The following RFX2 variants were observed in gnomAD, a reference collection of about 807,000 sequenced individuals.
RFX2 encodes the protein DNA-binding protein RFX2.
RFX2 carries 20 observed loss-of-function variants against 87.8 expected under a neutral mutation model. That is an observed-to-expected ratio of 0.23 (90% confidence interval 0.16 to 0.33). RFX2 has a LOEUF of 0.33. RFX2 is among the 10% of genes least tolerant of loss of function. RFX2 has a pLI of 1.00. For synonymous variants in RFX2, 397 were observed against 431.3 expected (o/e 0.92, Z 0.98); for missense variants, 767 against 1,012.3 (o/e 0.76, Z 3.29).
intron 7 of RFX2, among the ~76,000 whole-genome samples, chr19:6,015,548 G>A (rs2144708497): frequency 6.6e-6 from 1 of 152,174 alleles, no homozygotes; most frequent in South Asian, 2.1e-4. Flanking sequence ...GAGTGCAGTG[G>A]TGCAATCGTG....
rs374641964 is a variant in RFX2, at chr19:6,010,114, C to G, written c.1015+22G>C. On this transcript the variant is annotated intron_variant, in intron 9 of 17. Transcript: ENST00000303657. This position sits in a 1 kb window ranked among gnomAD's most constrained non-coding sequence, Gnocchi z 5.0. ...GGCGAGCAGATGGGAGCCCCGCCCCCGGGCCTGACCGGGCCTCTCACCTAT... is the reference window on the plus strand; with the variant it reads ...GGCGAGCAGATGGGAGCCCCGCCCCGGGGCCTGACCGGGCCTCTCACCTAT... The G allele has an allele frequency of 1.4e-6, 2 of 1,475,284 alleles. No individual in the cohort carries two copies. Among genetic ancestry groups the G allele is most frequent in the South Asian group, 2.4e-5 (2 of 82,314 alleles). The allele number at this position is 1,475,284 out of a possible 1,614,324, so 91.4% of individuals were successfully genotyped here.
intron 9 of RFX2, 151 bp from the exon 10 acceptor site, chr19:6,008,375 CTTTT>C (rs112977122): frequency 1.3e-4 from 51 of 399,496 alleles, no homozygotes; most frequent in Admixed American, 2.5e-4. Context: ...TTTTCTTTTT[CTTTT>C]TTTTTTTTTT....
At chr19:6,025,897 T>C (rs1055879147) in intron 6 of RFX2, among the ~76,000 whole-genome samples, 1 of 151,186 alleles carries the variant, frequency 6.6e-6, no homozygotes, top group African/African-American at 2.4e-5. Context: ...GCGATTCTCC[T>C]GCCTCAGCCT....
intron 1 of RFX2, among the ~76,000 whole-genome samples, chr19:6,090,169 T>C (rs1187283287): frequency 6.6e-6 from 1 of 152,074 alleles, no homozygotes; most frequent in African/African-American, 2.4e-5. Context: ...GGTTTCACCA[T>C]GTTGCCCAGG....
At chr19:6,103,117 A>G (rs751231265) in intron 1 of RFX2, among the ~76,000 whole-genome samples, 1 of 152,156 alleles carries the variant, frequency 6.6e-6, no homozygotes, top group Non-Finnish European at 1.5e-5. Flanking sequence ...ACAAATAATC[A>G]CTATATTGGA....
rs1028068539 is a variant in RFX2, at chr19:6,083,641, T to C, written c.-9+26752A>G. 9.3e-5 allele frequency among the ~76,000 whole-genome samples: 14 copies of C among 151,052 alleles called. No individual in the cohort carries two copies. The highest frequency in any genetic ancestry group is 3.4e-4 in the African/African-American group (14 of 41,078). On this transcript the variant is annotated intron_variant, in intron 1 of 17. Coordinates refer to ENST00000303657, the MANE Select transcript of RFX2 (RefSeq NM_000635.4). This position sits in a 1 kb window ranked among gnomAD's most constrained non-coding sequence, Gnocchi z 4.6. ...AGGCTGGAGTGCAGTGGTGCAAACA[T>C]GGCTCACTGCAGCCTCCACTTCCAG...
chr19:6,009,276 T>G (rs558733011), intron 9 of RFX2, among the ~76,000 whole-genome samples: 2 of 152,270 alleles, frequency 1.3e-5, no homozygotes, highest in South Asian at 4.1e-4. Context: ...TGGAAGCCAC[T>G]GAGTGTGTAC....
chr19:6,018,124 C>T (rs980688159), intron 6 of RFX2, among the ~76,000 whole-genome samples: 2 of 152,094 alleles, frequency 1.3e-5, no homozygotes, highest in Admixed American at 1.3e-4. Flanking sequence ...TATAGGCATG[C>T]ACCACCACAT....
In RFX2 at chr19:6,040,147, C is replaced by A; in HGVS notation, c.355G>T (p.Val119Leu). 6 of 1,607,548 alleles carry A rather than the reference C, an allele frequency of 3.7e-6. No individual in the cohort carries two copies. The highest frequency in any genetic ancestry group is 5.1e-6 in the Non-Finnish European group (6 of 1,175,872). ...FEAPGGAQVT[V>L]AASSPPAVPS... ...ACCGCTGGCGGGGACGAGGCTGCCA[C>A]GGTCACCTGGGCACCGCCTGGGGCC... Residue 119 changes from valine to leucine, a missense_variant, in exon 5 of 18, where the codon GTG (valine) becomes TTG (leucine). Physicochemically the swap from Val to Leu is conservative, Grantham distance 32 (BLOSUM62 1). Transcript: ENST00000303657. The surrounding 1 kb of genome is among the most constrained non-coding windows in gnomAD (Gnocchi z 6.1).
At chr19:6,030,947 T>G (rs976278388) in intron 5 of RFX2, among the ~76,000 whole-genome samples, 23 of 152,124 alleles carry the variant, frequency 1.5e-4, no homozygotes, top group Non-Finnish European at 2.9e-4. Context: ...TGTCAAGAAA[T>G]CACATTCATT....
At chr19:6,099,736 C>T (rs896649849) in intron 1 of RFX2, among the ~76,000 whole-genome samples, 1 of 152,170 alleles carries the variant, frequency 6.6e-6, no homozygotes, top group Non-Finnish European at 1.5e-5. Flanking sequence ...TACCACCTGT[C>T]GAAGTGGCCT....
At position 5,997,047 on chromosome 19, in the gene RFX2, G is replaced by C. The variant is rs776124264; in HGVS notation, c.2013+13C>G. On this transcript the variant is annotated intron_variant, in intron 16 of 17. Coordinates refer to ENST00000303657, the MANE Select transcript of RFX2 (RefSeq NM_000635.4). This position sits in a 1 kb window ranked among gnomAD's most constrained non-coding sequence, Gnocchi z 4.2. ...GGCCAAGCCCCGGCCGTCCCACCCA[G>C]GAGGGTCCTCACCTCTCCCATCACA... is the stretch of plus-strand genomic sequence containing the variant. 3.1e-6 allele frequency: 5 copies of C among 1,605,176 alleles called. No individual in the cohort carries two copies. The Admixed American group carries it at 6.7e-5, about 21-fold the overall frequency.
chr19:6,031,337 G>C (rs576153484), intron 5 of RFX2, among the ~76,000 whole-genome samples: 1 of 147,580 alleles, frequency 6.8e-6, no homozygotes, highest in East Asian at 2.1e-4. Flanking sequence ...CTCAAGAGTT[G>C]AAATTTAATA....
rs539452378 is a variant in RFX2, at chr19:6,045,667, T to G, written c.91-1385A>C. ...GTTTTTGCGGAATTGTGTTTTTTTG[T>G]TTTTGTTTTTTTGTGTTTTTTGGGA... is the stretch of plus-strand genomic sequence containing the variant. On this transcript the variant is annotated intron_variant, in intron 2 of 17. Coordinates refer to ENST00000303657, the MANE Select transcript of RFX2 (RefSeq NM_000635.4). This position sits in a 1 kb window ranked among gnomAD's most constrained non-coding sequence, Gnocchi z 5.2. Among the ~76,000 whole-genome samples, 14 of 150,122 alleles carry G rather than the reference T, an allele frequency of 9.3e-5. No homozygotes were observed. Among genetic ancestry groups the G allele is most frequent in the African/African-American group, 3.5e-4 (14 of 39,606 alleles).
rs117618756 is a variant in RFX2, at chr19:6,040,373, C to T, written c.261-132G>A. The T allele has an allele frequency of 3.5e-5, 32 of 912,930 alleles. No individual in the cohort carries two copies. The highest frequency in any genetic ancestry group is 3.6e-4 in the Middle Eastern group (1 of 2,740). The allele number at this position is 912,930 out of a possible 1,614,324, so 56.6% of individuals were successfully genotyped here. ...GGCCAGACATATGGAGCAATTCGGA[C>T]GTGGCATATGACACTCAAATGCAGC... On this transcript the variant is annotated intron_variant, in intron 4 of 17. Coordinates refer to ENST00000303657, the MANE Select transcript of RFX2 (RefSeq NM_000635.4). The surrounding 1 kb of genome is among the most constrained non-coding windows in gnomAD (Gnocchi z 6.1).
chr19:6,087,070 C>G (rs2087864886), intron 1 of RFX2, among the ~76,000 whole-genome samples: 1 of 152,010 alleles, frequency 6.6e-6, no homozygotes, highest in African/African-American at 2.4e-5. Context: ...GTTGTATAAA[C>G]CAGGCAGATC....
Position 6,004,172 on chromosome 19 carries a change from G to T in RFX2, c.1500+29C>A. On this transcript the variant is annotated intron_variant, in intron 13 of 17. Transcript: ENST00000303657. The surrounding 1 kb of genome is among the most constrained non-coding windows in gnomAD (Gnocchi z 4.8). ...ACTGGAGCCCCTCCCAGCCATCGTTGGGGAGCCCAGGCCCCACCCCGGACG... is the reference window on the plus strand; with the variant it reads ...ACTGGAGCCCCTCCCAGCCATCGTTTGGGAGCCCAGGCCCCACCCCGGACG... 6.4e-7 allele frequency: 1 copy of T among 1,553,912 alleles called. No individual in the cohort carries two copies. Among genetic ancestry groups the T allele is most frequent in the Non-Finnish European group, 8.9e-7 (1 of 1,125,134 alleles).
chr19:6,054,778 C>T (rs1041545805), intron 1 of RFX2, among the ~76,000 whole-genome samples: 3 of 152,142 alleles, frequency 2.0e-5, no homozygotes, highest in Non-Finnish European at 4.4e-5. Flanking sequence ...AACTATAAGA[C>T]TTCTCAGAGA....
intron 1 of RFX2, among the ~76,000 whole-genome samples, chr19:6,104,862 G>C (rs917381290): frequency 2.6e-5 from 4 of 152,098 alleles, no homozygotes; most frequent in East Asian, 1.9e-4. Flanking sequence ...GCTCATGCCT[G>C]TAATCCCAGC....
Sources: allele counts gnomAD v4.1 joint callset (sites outside exome capture counted in the v4.1 genomes callset), GRCh38; gene constraint gnomAD v4.1.1; non-coding constraint Gnocchi (gnomAD v3.1); transcripts MANE v1.5; gene names NCBI Gene and HGNC (gene_info 2026-07-23, HGNC 2026-07-21).